Variants in SLIT3 observed in about 807,000 individuals in gnomAD.
SLIT3 encodes slit guidance ligand 3.
A neutral mutation model predicts 184.0 loss-of-function variants in SLIT3; 68 were observed. The ratio of observed to expected loss-of-function variants is 0.37; its 90% CI spans 0.30 to 0.45. SLIT3 has a LOEUF of 0.45. Ranked by LOEUF, SLIT3 falls within the 20% of genes least tolerant of loss-of-function variation. The pLI is 1.00. For synonymous variants in SLIT3, 831 were observed against 828.6 expected, an observed-to-expected ratio of 1.00 and a Z score of -0.05; for missense variants, 1,707 against 2,026.0, an observed-to-expected ratio of 0.84 and a Z score of 3.02.
At chr5:168,851,531 G>A (rs544648219) in intron 5 of SLIT3, among the ~76,000 whole-genome samples, 1 of 152,106 alleles carries the variant, frequency 6.6e-6, no homozygotes, top group South Asian at 2.1e-4. Flanking sequence ...TTTAGACGAG[G>A]GGACCAAGGA....
At chr5:168,760,969 C>T (rs1755126016) in intron 15 of SLIT3, 33 bp from the exon 16 acceptor site, 6 of 1,549,884 alleles carry the variant, frequency 3.9e-6, no homozygotes, top group Non-Finnish European at 5.3e-6. Flanking sequence ...GGTAGGTTAG[C>T]TGTGGACGAG....
chr5:168,767,035 G>A (rs905740877), intron 14 of SLIT3, among the ~76,000 whole-genome samples: 2 of 152,228 alleles, frequency 1.3e-5, no homozygotes, highest in African/African-American at 4.8e-5. Flanking sequence ...CCCTGGGTAA[G>A]TTAGCTAACC....
chr5:168,897,851 G>A (rs866441401), intron 4 of SLIT3, among the ~76,000 whole-genome samples: 21 of 152,144 alleles, frequency 1.4e-4, no homozygotes, highest in African/African-American at 3.4e-4. Flanking sequence ...ACCCTGCACC[G>A]AGCTCAGGTC....
At chr5:168,972,350 T>TGTGTGTGTGTGTGTGTGTGTGTGTGC (rs1754607440) in intron 4 of SLIT3, among the ~76,000 whole-genome samples, 1 of 150,282 alleles carries the variant, frequency 6.7e-6, no homozygotes, top group African/African-American at 2.5e-5. Flanking sequence ...TGTGTGTGTG[T>TGTGTGTGTGTGTGTGTGTGTGTGTGC]GTGTGTGTGT....
chr5:169,090,320 C>T (rs1759527178), intron 4 of SLIT3, among the ~76,000 whole-genome samples: 1 of 152,156 alleles, frequency 6.6e-6, no homozygotes. Context: ...CCAGTGCCTC[C>T]ACCACCAGTC....
chr5:168,969,499 T>C (rs550059117), intron 4 of SLIT3, among the ~76,000 whole-genome samples: 2 of 152,350 alleles, frequency 1.3e-5, no homozygotes, highest in African/African-American at 4.8e-5. Context: ...GACTTTGTTT[T>C]TGTTTTTCTC....
At chr5:169,292,140 A>G (rs757748558) in intron 1 of SLIT3, among the ~76,000 whole-genome samples, 2 of 152,190 alleles carry the variant, frequency 1.3e-5, no homozygotes, top group Admixed American at 6.5e-5. Flanking sequence ...CCCGATGCCA[A>G]TGTGTACCCA....
chr5:169,201,689 A>G (rs956348984), intron 3 of SLIT3, among the ~76,000 whole-genome samples: 1 of 152,214 alleles, frequency 6.6e-6, no homozygotes, highest in Non-Finnish European at 1.5e-5. Context: ...TCCATATGGT[A>G]TGATACCTTA....
intron 14 of SLIT3, among the ~76,000 whole-genome samples, chr5:168,766,735 C>T (rs961450590): frequency 2.0e-5 from 3 of 152,220 alleles, no homozygotes; most frequent in Admixed American, 6.5e-5. Context: ...CAGAATGCCC[C>T]TCTCTGTAAG....
Position 169,237,751 on chromosome 5 carries a change from TA to T in SLIT3, c.341+6953del, listed in dbSNP as rs1330544690. Among the ~76,000 whole-genome samples the T allele has an allele frequency of 4.6e-5, 7 of 152,286 alleles. No individual in the cohort carries two copies. In the East Asian group the frequency reaches 1.3e-3, roughly 29 times the overall value. On this transcript the variant is annotated intron_variant, in intron 3 of 35. Coordinates refer to ENST00000519560, the MANE Select transcript of SLIT3 (RefSeq NM_003062.4). ...ATCTTTTGTCCATTTCTTTCCTTTA[TA>T]GGGGGAGAGTGGTATCTGCTTACTG...
intron 1 of SLIT3, among the ~76,000 whole-genome samples, chr5:169,278,734 A>T (rs370338549): frequency 3.3e-5 from 5 of 151,962 alleles, no homozygotes; most frequent in Admixed American, 2.0e-4. Flanking sequence ...GAGACAAGGA[A>T]CCCCTCCGCC....
chr5:169,083,661 C>T (rs765457068), intron 4 of SLIT3, among the ~76,000 whole-genome samples: 2 of 152,210 alleles, frequency 1.3e-5, no homozygotes, highest in Non-Finnish European at 2.9e-5. Context: ...GCGGGGAAGA[C>T]CAAACACGGT....
chr5:168,991,595 C>A (rs917761046), intron 4 of SLIT3, among the ~76,000 whole-genome samples: 5 of 152,220 alleles, frequency 3.3e-5, no homozygotes, highest in Non-Finnish European at 5.9e-5. Context: ...GAAATGCCAG[C>A]CTGGGGAATG....
chr5:169,270,358 C>A (rs138873728), intron 1 of SLIT3, among the ~76,000 whole-genome samples: 10 of 152,108 alleles, frequency 6.6e-5, no homozygotes, highest in African/African-American at 2.4e-4. Flanking sequence ...AGGCCCGATC[C>A]GGCCCACTGC....
intron 4 of SLIT3, among the ~76,000 whole-genome samples, chr5:169,177,424 G>A (rs1763019143): frequency 6.6e-6 from 1 of 152,238 alleles, no homozygotes; most frequent in Non-Finnish European, 1.5e-5. Context: ...AGTCCCTCAT[G>A]CTGAGCGGGG....
At chr5:168,885,224 G>C (rs1452541747) in intron 4 of SLIT3, among the ~76,000 whole-genome samples, 1 of 152,208 alleles carries the variant, frequency 6.6e-6, no homozygotes, top group African/African-American at 2.4e-5. Context: ...TAGAGTGCCG[G>C]TGTGAGTACT....
rs1767660793 is a variant in SLIT3, at chr5:169,300,829, G to A, written c.-120C>T. 4 of 1,058,142 alleles carry A rather than the reference G, an allele frequency of 3.8e-6. No homozygotes were observed. In the South Asian group the frequency reaches 1.8e-4, roughly 47 times the overall value. 65.5% of individuals were successfully genotyped at this position (1,058,142 alleles called of 1,614,324 possible). A position where few individuals can be genotyped will look rare whatever the true frequency, so the allele number is the denominator to read the frequency against. On this transcript the variant is annotated 5_prime_UTR_variant, in exon 1 of 36. Coordinates refer to ENST00000519560, the MANE Select transcript of SLIT3 (RefSeq NM_003062.4). The surrounding 1 kb of genome is among the most constrained non-coding windows in gnomAD (Gnocchi z 4.1). ...AGCGGGCGGCGGAGTTAGCGCGGAG[G>A]AGGGGCGAGCTCGGTGCTCAGGCGC... is the stretch of plus-strand genomic sequence containing the variant.
At chr5:168,944,820 G>T (rs916999499) in intron 4 of SLIT3, among the ~76,000 whole-genome samples, 1 of 152,182 alleles carries the variant, frequency 6.6e-6, no homozygotes, top group Non-Finnish European at 1.5e-5. Flanking sequence ...ATGGTGACTT[G>T]ATGGCTCTTT....
chr5:169,193,300 G>C (rs560892839), intron 4 of SLIT3, among the ~76,000 whole-genome samples, 179 bp downstream of exon 4: 5 of 152,324 alleles, frequency 3.3e-5, no homozygotes, highest in African/African-American at 9.6e-5. Context: ...GAAGGAGCAA[G>C]AAGTCAGGCC....
Sources: gnomAD v4.1 joint callset for allele counts (sites outside exome capture counted in the v4.1 genomes callset) on GRCh38, gnomAD v4.1.1 for gene constraint, Gnocchi (gnomAD v3.1) non-coding constraint, MANE v1.5 for transcripts, NCBI Gene and HGNC (gene_info 2026-07-23, HGNC 2026-07-21) for gene names.